The following DNAH7 variants were observed in gnomAD, a reference collection of about 807,000 sequenced individuals.
The protein encoded by DNAH7 is dynein axonemal heavy chain 7.
DNAH7 carries 397 observed loss-of-function variants against 444.6 expected under a neutral mutation model. That is an observed-to-expected ratio of 0.89 (90% CI 0.82 to 0.97). The LOEUF (loss-of-function observed/expected upper bound fraction) is 0.97. DNAH7 is among the 50% of genes least tolerant of loss of function. The pLI, the probability that DNAH7 is intolerant of heterozygous loss-of-function variation, is 0.00. For missense variants in DNAH7, 4,902 were observed against 4,800.8 expected, an observed-to-expected ratio of 1.02 and a Z score of -0.62; for synonymous variants, 1,636 against 1,624.4, an observed-to-expected ratio of 1.01 and a Z score of -0.17.
At chr2:196,014,131 T>C (rs1694873894) in intron 9 of DNAH7, among the ~76,000 whole-genome samples, 1 of 152,208 alleles carries the variant, frequency 6.6e-6, no homozygotes. Context: ...GGATGAATTG[T>C]TAAGAAAACA....
intron 53 of DNAH7, 111 bp from the exon 54 acceptor site, chr2:195,806,943 TA>T (rs1335945952): frequency 5.8e-6 from 4 of 692,816 alleles, no homozygotes; most frequent in Non-Finnish European, 9.3e-6. Flanking sequence ...AATGCTTGTC[TA>T]AATTTTACTA....
At chr2:195,843,275 G>A (rs1698795514) in intron 47 of DNAH7, among the ~76,000 whole-genome samples, 1 of 152,056 alleles carries the variant, frequency 6.6e-6, no homozygotes, top group African/African-American at 2.4e-5. Flanking sequence ...TTAAAAATCT[G>A]CTAAAATCTT....
At chr2:195,769,251 T>C (rs1197917004) in intron 61 of DNAH7, among the ~76,000 whole-genome samples, 3 of 151,858 alleles carry the variant, frequency 2.0e-5, no homozygotes, top group African/African-American at 7.3e-5. Flanking sequence ...TTCTTTTTAG[T>C]GATGGGGTCT....
intron 47 of DNAH7, among the ~76,000 whole-genome samples, chr2:195,835,260 T>C (rs1698287935): frequency 6.6e-6 from 1 of 150,796 alleles, no homozygotes; most frequent in Non-Finnish European, 1.5e-5. Context: ...GAGCAGAGCA[T>C]GAGAAGTACG....
At chr2:195,870,990 AC>A (rs1398017986) in intron 40 of DNAH7, among the ~76,000 whole-genome samples, 1 of 152,094 alleles carries the variant, frequency 6.6e-6, no homozygotes, top group African/African-American at 2.4e-5. Context: ...GCCCCCAAAC[AC>A]AAGCCTGCAT....
At chr2:195,776,199 T>G (rs1240489047) in intron 59 of DNAH7, among the ~76,000 whole-genome samples, 2 of 152,068 alleles carry the variant, frequency 1.3e-5, no homozygotes, top group East Asian at 3.9e-4. Context: ...ATCCCAGCAC[T>G]TTGGGAGGCC....
At chr2:195,954,453 G>C (rs1325309647) in intron 19 of DNAH7, among the ~76,000 whole-genome samples, 1 of 152,200 alleles carries the variant, frequency 6.6e-6, no homozygotes, top group Non-Finnish European at 1.5e-5. Context: ...TTGGTTCCAA[G>C]TCTTTGCTAT....
Position 195,885,551 on chromosome 2 carries a change from T to A in DNAH7, c.5538+590A>T, listed in dbSNP as rs1313430019. 4.5e-5 allele frequency among the ~76,000 whole-genome samples: 5 copies of A among 110,886 alleles called. No individual in the cohort carries two copies. The South Asian group carries it at 7.4e-4, about 17-fold the overall frequency. The allele number at this position is 110,886 out of a possible 152,430, so 72.7% of individuals were successfully genotyped here. On this transcript the variant is annotated intron_variant, in intron 34 of 64. Transcript: ENST00000312428. ...AAAAATTAATTTCTTTTAAAACATATAAGTTAAGCAAGTACCATATTGACC... is the reference window on the plus strand; with the variant it reads ...AAAAATTAATTTCTTTTAAAACATAAAAGTTAAGCAAGTACCATATTGACC...
intron 21 of DNAH7, among the ~76,000 whole-genome samples, chr2:195,931,346 C>A (rs922188472): frequency 6.6e-6 from 1 of 151,888 alleles, no homozygotes; most frequent in Non-Finnish European, 1.5e-5. Flanking sequence ...GAGTAGGTTG[C>A]GAAAATTTTC....
chr2:195,957,627 T>C (rs752964857), intron 18 of DNAH7, among the ~76,000 whole-genome samples, 180 bp from the exon 19 acceptor site: 1 of 146,856 alleles, frequency 6.8e-6, no homozygotes, highest in Non-Finnish European at 1.5e-5. Flanking sequence ...CAATCTTGTA[T>C]ATAATGTTAT....
At chr2:196,019,943 C>CCCTCCT (rs1199423655) in intron 8 of DNAH7, among the ~76,000 whole-genome samples, 1 of 151,056 alleles carries the variant, frequency 6.6e-6, no homozygotes, top group African/African-American at 2.4e-5. Context: ...CTCTCCCTCC[C>CCCTCCT]CCTCCTCCTC....
chr2:196,000,939 A>C, intron 11 of DNAH7, 56 bp from the exon 12 acceptor site: 2 of 1,400,502 alleles, frequency 1.4e-6, no homozygotes, highest in Non-Finnish European at 1.9e-6. Context: ...TGACAGACTA[A>C]GTAGTACACC....
At chr2:195,982,449 T>G (rs1202033710) in intron 15 of DNAH7, among the ~76,000 whole-genome samples, 2 of 152,114 alleles carry the variant, frequency 1.3e-5, no homozygotes, top group Non-Finnish European at 2.9e-5. Context: ...AAAACTGAAG[T>G]TACCATATGA....
chr2:195,743,443 C>T (rs1304477241), intron 63 of DNAH7, among the ~76,000 whole-genome samples: 1 of 148,844 alleles, frequency 6.7e-6, no homozygotes, highest in African/African-American at 2.5e-5. Flanking sequence ...AGCACTGTAG[C>T]CTTTAGGTGC....
At chr2:195,845,268 A>T in intron 46 of DNAH7, 103 bp from the exon 47 acceptor site, 2 of 903,114 alleles carry the variant, frequency 2.2e-6, no homozygotes, top group Admixed American at 3.4e-5. Context: ...TCAACAAACC[A>T]TTGTGGAAAC....
Position 195,872,399 on chromosome 2 carries a change from C to A in DNAH7, c.6484G>T (p.Glu2162Ter), listed in dbSNP as rs1324386683. Residue 2162 changes from glutamate (E) to a stop codon, truncating the protein, a stop_gained, in exon 40 of 65, where the codon GAA becomes TAA. Transcript: ENST00000312428. LOFTEE classifies it high-confidence loss of function. ...IVNGTMTLYK[E>*]AMKNLLPTPA... ...GTAGGCAAGAGATTCTTCATTGCTT[C>A]TTTATACAGAGTCATTGTGCCATTT... is the stretch of plus-strand genomic sequence containing the variant. The A allele has an allele frequency of 1.2e-6, 2 of 1,613,852 alleles. No individual in the cohort carries two copies. Among genetic ancestry groups the A allele is most frequent in the Non-Finnish European group, 1.7e-6 (2 of 1,179,866 alleles).
At chr2:195,883,699 A>G (rs1251403562) in intron 35 of DNAH7, among the ~76,000 whole-genome samples, 1 of 152,214 alleles carries the variant, frequency 6.6e-6, no homozygotes, top group Non-Finnish European at 1.5e-5. Flanking sequence ...AATTAAATAA[A>G]GTAAAAATAT....
rs116336663 is a variant in DNAH7 at position 195,908,071 on chromosome 2, T to C, written c.4105-1062A>G. The stretch of plus-strand genomic sequence containing the variant: ...ATACTAATAAGCAAATTTAATACTA[T>C]TAAGTTTATGACTCTAAATAAAAGA... On this transcript the variant is annotated intron_variant, in intron 25 of 64. Coordinates refer to ENST00000312428, the MANE Select transcript of DNAH7 (RefSeq NM_018897.3). Among the ~76,000 whole-genome samples the C allele has an allele frequency of 8.6e-3, 1,308 of 152,196 alleles. 11 individuals carry two copies. Among genetic ancestry groups the C allele is most frequent in the Middle Eastern group, 0.014 (4 of 294 alleles).
chr2:195,766,900 C>T (rs1694612034), intron 61 of DNAH7, among the ~76,000 whole-genome samples: 1 of 152,070 alleles, frequency 6.6e-6, no homozygotes, highest in Non-Finnish European at 1.5e-5. Context: ...ATCTCTTAGA[C>T]TATAGTGTCT....
Sources: allele counts gnomAD v4.1 joint callset (sites outside exome capture counted in the v4.1 genomes callset), GRCh38; gene constraint gnomAD v4.1.1; transcripts MANE v1.5; gene names NCBI Gene and HGNC (gene_info 2026-07-23, HGNC 2026-07-21).